The following ROBO2 variants were observed in gnomAD, a reference collection of about 807,000 sequenced individuals.
ROBO2 encodes roundabout guidance receptor 2.
ROBO2 carries 53 observed loss-of-function variants against 160.8 expected under a neutral mutation model. The observed-to-expected ratio is 0.33, with a 90% CI of 0.26 to 0.41. The LOEUF (loss-of-function observed/expected upper bound fraction) is 0.41, where lower values mean the gene tolerates loss of function less well. Among genes scored for constraint, ROBO2 ranks in the 10% least tolerant of loss-of-function variants. ROBO2 has a pLI of 1.00. For synonymous variants in ROBO2, 664 were observed against 611.7 expected, an observed-to-expected ratio of 1.09 and a Z score of -1.26; for missense variants, 1,577 against 1,722.4, an observed-to-expected ratio of 0.92 and a Z score of 1.49.
chr3:76,762,303 A>T (rs974699507), intron 2 of ROBO2, among the ~76,000 whole-genome samples: 1 of 151,670 alleles, frequency 6.6e-6, no homozygotes, highest in African/African-American at 2.4e-5. Flanking sequence ...AAAAATAAAG[A>T]TTTTTGATTT....
At chr3:77,598,527 G>GTATATATA (rs3073098) in intron 19 of ROBO2, among the ~76,000 whole-genome samples, 71,033 of 139,548 alleles carry the variant, frequency 0.51, 18,240 homozygotes, top group Middle Eastern at 0.6. Flanking sequence ...ATATATATGT[G>GTATATATA]TATATATATA....
At chr3:76,347,688 AT>A (rs1300931552) in intron 2 of ROBO2, among the ~76,000 whole-genome samples, 1 of 151,816 alleles carries the variant, frequency 6.6e-6, no homozygotes, top group Non-Finnish European at 1.5e-5. Context: ...GGGTGGTCAT[AT>A]TTCACTCTCC....
chr3:76,996,338 T>C (rs1368339693), intron 2 of ROBO2, among the ~76,000 whole-genome samples: 1 of 152,256 alleles, frequency 6.6e-6, no homozygotes, highest in African/African-American at 2.4e-5. Flanking sequence ...AGTACCATGC[T>C]GTTTTGGTTA....
chr3:76,609,529 T>C (rs2087920337), intron 2 of ROBO2, among the ~76,000 whole-genome samples: 1 of 152,192 alleles, frequency 6.6e-6, no homozygotes, highest in Non-Finnish European at 1.5e-5. Flanking sequence ...TTGCTCACTG[T>C]TGGCATATAG....
chr3:77,059,792 T>C (rs1232567148), intron 1 of ROBO2, among the ~76,000 whole-genome samples: 1 of 152,162 alleles, frequency 6.6e-6, no homozygotes, highest in Non-Finnish European at 1.5e-5. Flanking sequence ...AGTGTAAAAC[T>C]CATACGTCAT....
intron 2 of ROBO2, among the ~76,000 whole-genome samples, chr3:76,780,123 T>C (rs2062538101): frequency 1.3e-5 from 2 of 151,026 alleles, no homozygotes; most frequent in Admixed American, 1.3e-4. Flanking sequence ...ATTGTTTTGA[T>C]TTGCATTTCT....
At position 76,399,310 on chromosome 3, in the gene ROBO2, G is replaced by A. The variant is rs374223821; in HGVS notation, c.109+461708G>A. On this transcript the variant is annotated intron_variant, in intron 2 of 26. Coordinates refer to the ROBO2 transcript ENST00000487694. The stretch of plus-strand genomic sequence containing the variant: ...GTTTTTTGTTAGTCTCTCTAAAAAT[G>A]GATCATCTGTTCTTTATGACAGCAC... Among the ~76,000 whole-genome samples, 3 of 151,716 alleles carry A rather than the reference G, an allele frequency of 2.0e-5. No homozygotes were observed. In the East Asian group the frequency reaches 5.8e-4, roughly 30 times the overall value.
At chr3:76,043,311 G>A (rs953563178) in intron 2 of ROBO2, among the ~76,000 whole-genome samples, 1 of 151,632 alleles carries the variant, frequency 6.6e-6, no homozygotes, top group Non-Finnish European at 1.5e-5. Context: ...TCGTTTGTAA[G>A]GGGTCTTCTT....
chr3:77,213,707 T>C (rs996353199), intron 2 of ROBO2, among the ~76,000 whole-genome samples: 6 of 152,148 alleles, frequency 3.9e-5, no homozygotes, highest in African/African-American at 1.4e-4. Context: ...CTTTCTCTTG[T>C]GGGCATTTAG....
chr3:76,166,337 G>C (rs1202879437), intron 2 of ROBO2, among the ~76,000 whole-genome samples: 4 of 152,048 alleles, frequency 2.6e-5, no homozygotes, highest in Non-Finnish European at 5.9e-5. Context: ...AGTTTGAAAG[G>C]CCAGTTTCTT....
intron 2 of ROBO2, among the ~76,000 whole-genome samples, chr3:77,380,469 A>T (rs544970735): frequency 2.0e-4 from 31 of 152,306 alleles, no homozygotes; most frequent in African/African-American, 7.0e-4. Context: ...AACATTTTTG[A>T]AATTATGCAA....
chr3:77,498,113 G>A (rs779541015), intron 5 of ROBO2, among the ~76,000 whole-genome samples: 114 of 152,224 alleles, frequency 7.5e-4, no homozygotes, highest in Non-Finnish European at 5.9e-4. Flanking sequence ...TTAAAGAACT[G>A]TAAACAGGAG....
At chr3:76,765,605 A>G (rs916982600) in intron 2 of ROBO2, among the ~76,000 whole-genome samples, 16 of 151,672 alleles carry the variant, frequency 1.1e-4, no homozygotes, top group Non-Finnish European at 2.4e-4. Flanking sequence ...GCCATATACA[A>G]TGAGACCTTC....
chr3:77,582,338 T>C (rs1319777257), intron 16 of ROBO2, among the ~76,000 whole-genome samples: 1 of 152,162 alleles, frequency 6.6e-6, no homozygotes, highest in Admixed American at 6.6e-5. Flanking sequence ...TGGCCTCATG[T>C]GATCCTCACA....
Position 77,583,269 on chromosome 3 carries a change from G to A in ROBO2, c.2500+3151G>A, listed in dbSNP as rs111592386. 6.6e-3 allele frequency among the ~76,000 whole-genome samples: 1,006 copies of A among 151,914 alleles called. 12 individuals are homozygous for A. Among genetic ancestry groups the A allele is most frequent in the African/African-American group, 0.022 (898 of 41,420 alleles). On this transcript the variant is annotated intron_variant, in intron 16 of 25. Coordinates refer to ENST00000461745, the Ensembl canonical transcript of ROBO2. ...AGCAATGTTTGGGTTAGTCTTGGCT[G>A]CATCATATTTTAAAGTTATCTGTAG...
In ROBO2 at chr3:76,428,806, C is replaced by A. The variant is rs184841937; in HGVS notation, c.109+491204C>A. Among the ~76,000 whole-genome samples, 678 of 152,240 alleles carry A rather than the reference C, an allele frequency of 4.5e-3. 1 individual carries two copies. The highest frequency in any genetic ancestry group is 5.0e-3 in the Admixed American group (77 of 15,292). On this transcript the variant is annotated intron_variant, in intron 2 of 26. Transcript: ENST00000487694. ...CACGCGAAAGTGATAACACGAGAAG[C>A]GTCACCTACTGAAGCTGGTTCCTCG... is the stretch of plus-strand genomic sequence containing the variant.
intron 2 of ROBO2, among the ~76,000 whole-genome samples, chr3:76,154,316 A>G (rs2072321007): frequency 6.6e-6 from 1 of 152,114 alleles, no homozygotes; most frequent in Non-Finnish European, 1.5e-5. Flanking sequence ...ATCAGGATAA[A>G]ACTAATATAT....
intron 8 of ROBO2, among the ~76,000 whole-genome samples, chr3:77,557,403 T>C (rs970803255): frequency 6.6e-6 from 1 of 151,962 alleles, no homozygotes; most frequent in African/African-American, 2.4e-5. Context: ...ATTTATAATC[T>C]AATATTTTAA....
chr3:77,431,047 A>AAC (rs1414943844), intron 2 of ROBO2, among the ~76,000 whole-genome samples: 2 of 152,206 alleles, frequency 1.3e-5, no homozygotes, highest in African/African-American at 2.4e-5. Flanking sequence ...CCTGATATTA[A>AAC]TTACATTCTT....
Sources: allele counts gnomAD v4.1 joint callset (sites outside exome capture counted in the v4.1 genomes callset), GRCh38; gene constraint gnomAD v4.1.1; transcripts MANE v1.5; gene names NCBI Gene and HGNC (gene_info 2026-07-23, HGNC 2026-07-21).